YIF1B: variants seen among roughly 807,000 people sequenced by gnomAD.
YIF1B encodes the protein protein YIF1B.
A neutral mutation model predicts 34.6 loss-of-function variants in YIF1B; 24 were observed. That is an observed-to-expected ratio of 0.69 (90% confidence interval 0.50 to 0.98). The LOEUF (loss-of-function observed/expected upper bound fraction) is 0.98. YIF1B is among the 50% of genes least tolerant of loss of function. The probability of loss-of-function intolerance (pLI) is 0.00; values close to 1 mark genes in which losing one functional copy is unlikely to be tolerated. For missense variants in YIF1B, 368 were observed against 429.4 expected, an observed-to-expected ratio of 0.86 and a Z score of 1.26; for synonymous variants, 186 against 184.8, an observed-to-expected ratio of 1.01 and a Z score of -0.05.
chr19:38,304,682 T>G lies in YIF1B; in HGVS notation c.*670A>C. 6.2e-7 allele frequency: 1 copy of G among 1,613,576 alleles called. No homozygotes were observed. Among genetic ancestry groups the G allele is most frequent in the Non-Finnish European group, 8.5e-7 (1 of 1,179,966 alleles). On this transcript the variant is annotated 3_prime_UTR_variant, in exon 8 of 8. Coordinates refer to ENST00000339413, the MANE Select transcript of YIF1B (RefSeq NM_001039672.3). ...AGCTCCAGCGATTCGGACACGGATG[T>G]GAAGGTAAGGGGCTCTCGCCAGCGT...
Position 38,303,813 on chromosome 19 carries a change from T to C in YIF1B, c.*1539A>G, listed in dbSNP as rs1190821884. Among the ~76,000 whole-genome samples, 1 of 152,236 alleles carries C rather than the reference T, an allele frequency of 6.6e-6. No homozygotes were observed. The highest frequency in any genetic ancestry group is 2.4e-5 in the African/African-American group (1 of 41,474). On this transcript the variant is annotated 3_prime_UTR_variant, in exon 8 of 8. Transcript: ENST00000339413. The stretch of plus-strand genomic sequence containing the variant: ...TCTATGCCCCTCACCCCTCAGACGC[T>C]GCTCACCAAGCCGGAGGGGCTGTGG...
chr19:38,317,934 G>T (rs1029810142), upstream of YIF1B, among the ~76,000 whole-genome samples: 3 of 151,036 alleles, frequency 2.0e-5, no homozygotes, highest in Non-Finnish European at 4.4e-5. Context: ...AGCGGATCAC[G>T]CCTGTAATCC....
rs1487257100 is a variant in YIF1B, at chr19:38,310,412, C to T, written c.59-769G>A. On this transcript the variant is annotated intron_variant, in intron 1 of 7. Transcript: ENST00000339413. ...TTATCTTTCCATCTATCCATCCATCCATCCACTCACCAAGCTATCTATCCA... is the reference window on the plus strand; with the variant it reads ...TTATCTTTCCATCTATCCATCCATCTATCCACTCACCAAGCTATCTATCCA... 2.6e-5 allele frequency among the ~76,000 whole-genome samples: 4 copies of T among 151,460 alleles called. No homozygotes were observed. In the East Asian group the frequency reaches 7.7e-4, roughly 29 times the overall value.
chr19:38,318,841 G>A (rs1568363499), upstream of YIF1B, among the ~76,000 whole-genome samples: 1 of 152,184 alleles, frequency 6.6e-6, no homozygotes, highest in Non-Finnish European at 1.5e-5. Context: ...AAGGCGCTGA[G>A]TTCTGGCTGG....
At position 38,304,913 on chromosome 19, in the gene YIF1B, G is replaced by C; in HGVS notation, c.*439C>G. ...AGGCCAAGAAGCCCAAAGTGAAGAA[G>C]AAGGAGAAGGGCAAGAAGGAGAAGG... On this transcript the variant is annotated 3_prime_UTR_variant, in exon 8 of 8. Coordinates refer to ENST00000339413, the MANE Select transcript of YIF1B (RefSeq NM_001039672.3). 6.2e-7 allele frequency: 1 copy of C among 1,612,610 alleles called. No homozygotes were observed. The highest frequency in any genetic ancestry group is 8.5e-7 in the Non-Finnish European group (1 of 1,179,544).
At position 38,305,506 on chromosome 19, in the gene YIF1B, A is replaced by G. The variant is rs1968973794; in HGVS notation, c.791T>C (p.Ile264Thr). The change falls in exon 8 of 8, where the codon ATC (isoleucine) becomes ACC (threonine). Residue 264 changes from isoleucine to threonine, a missense_variant and splice_region_variant. This residue lies in a region of YIF1B where 208 missense variants were observed against 247.8 expected (regional missense o/e 0.84). Transcript: ENST00000339413. ...WCCVAIFVFM[I>T]RTLRLKILAD... ...CAAGATCTTCAGCCGCAGCGTCCGG[A>G]TCTGGGTGGGAAAGAGAGAGAGGAA... 1 of 1,600,978 alleles carries G rather than the reference A, an allele frequency of 6.2e-7. No individual in the cohort carries two copies. The highest frequency in any genetic ancestry group is 8.5e-7 in the Non-Finnish European group (1 of 1,170,782).
At chr19:38,305,859 A>T (rs1475173772) in intron 7 of YIF1B, among the ~76,000 whole-genome samples, 1 of 152,178 alleles carries the variant, frequency 6.6e-6, no homozygotes, top group Non-Finnish European at 1.5e-5. Context: ...TGCTGGCCAC[A>T]CGGCAATTTC....
At chr19:38,308,567 G>A (rs527315942) in intron 5 of YIF1B, among the ~76,000 whole-genome samples, 5 of 152,122 alleles carry the variant, frequency 3.3e-5, no homozygotes, top group Admixed American at 1.3e-4. Context: ...GATGGAGAAG[G>A]GTCACCCAGC....
At chr19:38,314,150 C>T (rs957802828) in intron 1 of YIF1B, among the ~76,000 whole-genome samples, 10 of 151,550 alleles carry the variant, frequency 6.6e-5, no homozygotes, top group African/African-American at 9.7e-5. Context: ...CTCAGCCGCC[C>T]GAGTAGCTGG....
In YIF1B at chr19:38,305,460, C is replaced by T. The variant is rs968514143; in HGVS notation, c.837G>A (p.Gly279=). The part of the protein sequence containing the change: ...LKILADAAAE[G]VPVRGARNQL... Reference sequence around the variant, plus strand: ...GGTTCCGGGCCCCACGCACCGGGACCCCCTCAGCTGCTGCGTCTGCCAAGA... The same window carrying T: ...GGTTCCGGGCCCCACGCACCGGGACTCCCTCAGCTGCTGCGTCTGCCAAGA... Residue 279 remains glycine (G), a synonymous_variant, in exon 8 of 8, where the codon GGG becomes GGA. Transcript: ENST00000339413. The T allele has an allele frequency of 1.2e-6, 2 of 1,608,986 alleles. No homozygotes were observed. The highest frequency in any genetic ancestry group is 2.7e-5 in the African/African-American group (2 of 74,988).
chr19:38,315,593 G>A, intron 1 of YIF1B: 3 of 1,503,770 alleles, frequency 2.0e-6, no homozygotes, highest in Non-Finnish European at 2.7e-6. Context: ...GAGCAGGGAA[G>A]GGCGGATCGC....
At position 38,305,427 on chromosome 19, in the gene YIF1B, G is replaced by A. The variant is rs1600373375; in HGVS notation, c.870C>T (p.Arg290=). The A allele has an allele frequency of 1.9e-6, 3 of 1,610,954 alleles. No individual in the cohort carries two copies. The highest frequency in any genetic ancestry group is 2.5e-6 in the Non-Finnish European group (3 of 1,178,618). The stretch of plus-strand genomic sequence containing the variant: ...CCGCCACCGCCATGGTCAGGTACAT[G>A]CGCAGCTGGTTCCGGGCCCCACGCA... ...VPVRGARNQL[R]MYLTMAVAAA... is the part of the protein sequence containing the mutation. Residue 290 remains arginine, a synonymous_variant, in exon 8 of 8, where the codon CGC becomes CGT. Transcript: ENST00000339413.
intron 1 of YIF1B, among the ~76,000 whole-genome samples, chr19:38,312,206 C>G (rs918840797): frequency 1.3e-5 from 2 of 149,692 alleles, no homozygotes; most frequent in African/African-American, 4.9e-5. Flanking sequence ...GGCAGATCAC[C>G]TGAACTCAGT....
intron 1 of YIF1B, among the ~76,000 whole-genome samples, chr19:38,312,982 G>A (rs1568359275): frequency 6.6e-6 from 1 of 151,200 alleles, no homozygotes; most frequent in Middle Eastern, 3.4e-3. Context: ...ACAGATTCTC[G>A]CTCTTGTCAC....
upstream of YIF1B, chr19:38,317,262 T>C (rs576023094): frequency 6.6e-6 from 1 of 152,442 alleles, no homozygotes; most frequent in South Asian, 2.1e-4. Context: ...CAGGAAAACA[T>C]AGTGGTGGAA....
intron 1 of YIF1B, among the ~76,000 whole-genome samples, chr19:38,314,041 T>C (rs1969432122): frequency 6.6e-6 from 1 of 152,170 alleles, no homozygotes; most frequent in Non-Finnish European, 1.5e-5. Flanking sequence ...TTTTTTCTTT[T>C]CTTGAGGCGT....
upstream of YIF1B, among the ~76,000 whole-genome samples, chr19:38,319,598 G>A (rs549155754): frequency 9.2e-5 from 14 of 152,364 alleles, no homozygotes; most frequent in African/African-American, 1.2e-4. Flanking sequence ...GAGCAGAGAG[G>A]AAAGTTCAGA....
chr19:38,311,291 A>C (rs925220957), intron 1 of YIF1B, among the ~76,000 whole-genome samples: 1 of 152,012 alleles, frequency 6.6e-6, no homozygotes, highest in African/African-American at 2.4e-5. Flanking sequence ...TGTCTCAAAA[A>C]AAAAAAACAA....
Position 38,304,227 on chromosome 19 carries a change from G to A in YIF1B, c.*1125C>T, listed in dbSNP as rs1373235639. On this transcript the variant is annotated 3_prime_UTR_variant, in exon 8 of 8. Transcript: ENST00000339413. ...CTCCGCTCCTCTGCAGGGCCCAGGC[G>A]CCCTTGGCCTTAGGACCCAACTTCT... is the stretch of plus-strand genomic sequence containing the variant. 7 of 1,612,872 alleles carry A rather than the reference G, an allele frequency of 4.3e-6. No individual in the cohort carries two copies. The highest frequency in any genetic ancestry group is 5.9e-6 in the Non-Finnish European group (7 of 1,179,850).
Sources: allele counts gnomAD v4.1 joint callset (sites outside exome capture counted in the v4.1 genomes callset), GRCh38; gene constraint gnomAD v4.1.1; regional missense constraint gnomAD v4.1.1; transcripts MANE v1.5; gene names NCBI Gene and HGNC (gene_info 2026-07-23, HGNC 2026-07-21).